Variants in NAV2 observed in about 807,000 individuals in gnomAD.
The protein encoded by NAV2 is neuron navigator 2.
A neutral mutation model predicts 223.2 loss-of-function variants in NAV2; 54 were observed. That is an observed-to-expected ratio of 0.24 (90% CI 0.19 to 0.30). NAV2 has a LOEUF of 0.30. NAV2 is among the 10% of genes least tolerant of loss of function. The pLI is 1.00. For synonymous variants in NAV2, 1,279 were observed against 1,239.3 expected, an observed-to-expected ratio of 1.03 and a Z score of -0.67; for missense variants, 2,806 against 3,147.5, an observed-to-expected ratio of 0.89 and a Z score of 2.60.
intron 1 of NAV2, among the ~76,000 whole-genome samples, chr11:19,684,071 A>G (rs1273494575): frequency 6.6e-6 from 1 of 152,220 alleles, no homozygotes; most frequent in Non-Finnish European, 1.5e-5. Context: ...TGCGAAATCC[A>G]AAAACTGGAA....
At chr11:19,441,889 C>G (rs1189708562) in intron 1 of NAV2, among the ~76,000 whole-genome samples, 1 of 152,216 alleles carries the variant, frequency 6.6e-6, no homozygotes, top group South Asian at 2.1e-4. Context: ...GAGCTCTCCT[C>G]TGGACACCGA....
At chr11:19,917,289 AC>A (rs1372840999) in intron 6 of NAV2, among the ~76,000 whole-genome samples, 1 of 152,176 alleles carries the variant, frequency 6.6e-6, no homozygotes, top group Non-Finnish European at 1.5e-5. Flanking sequence ...TCCAAGAGAT[AC>A]GCATTCACAG....
chr11:19,756,810 A>T (rs2054268014), intron 1 of NAV2, among the ~76,000 whole-genome samples: 1 of 152,180 alleles, frequency 6.6e-6, no homozygotes, highest in Non-Finnish European at 1.5e-5. Flanking sequence ...TGGTGAGCAC[A>T]GTTTGTTTTT....
At position 20,045,575 on chromosome 11, in the gene NAV2, A is replaced by G. The variant is rs1429255942; in HGVS notation, c.3807A>G (p.Lys1269=). The G allele has an allele frequency of 1.9e-6, 3 of 1,614,138 alleles. No individual in the cohort carries two copies. The highest frequency in any genetic ancestry group is 2.2e-5 in the East Asian group (1 of 44,874). The change falls in exon 14 of 38, where the codon AAA becomes AAG. Residue 1269 remains lysine, a synonymous_variant. Transcript: ENST00000349880. Reference sequence around the variant, plus strand: ...GTGTGGCTTCCTGTAACTCGGTGAAAGTGAATCCGGCAGCCCAGCCTGTGT... The same window carrying G: ...GTGTGGCTTCCTGTAACTCGGTGAAGGTGAATCCGGCAGCCCAGCCTGTGT... ...NESVASCNSV[K]VNPAAQPVSS... is the part of the protein sequence containing the mutation.
chr11:19,724,988 CT>C (rs1301176333), intron 1 of NAV2, among the ~76,000 whole-genome samples: 1 of 152,204 alleles, frequency 6.6e-6, no homozygotes, highest in Non-Finnish European at 1.5e-5. Context: ...CTCAATTTCC[CT>C]GGGTGGTTAT....
In NAV2 at chr11:19,931,609, A is replaced by AAAAAAAAAAAAAAAAAAAAAG. The variant is rs10692495; in HGVS notation, c.932-1567_932-1566insAAAAAAAAAAAAAAAAAAAAG. Among the ~76,000 whole-genome samples, 3 of 137,306 alleles carry AAAAAAAAAAAAAAAAAAAAAG rather than the reference A, an allele frequency of 2.2e-5. 1 individual carries two copies. The highest frequency in any genetic ancestry group is 7.3e-5 in the Admixed American group (1 of 13,704). 90.1% of individuals were successfully genotyped at this position (137,306 alleles called of 152,430 possible). ...ACATAGGTATTTAAAAAAAAAAAAA[A>AAAAAAAAAAAAAAAAAAAAAG]GCAGAAGAAGCAGCCGTTAATCCCG... On this transcript the variant is annotated intron_variant, in intron 6 of 37. Coordinates refer to ENST00000349880, the MANE Select transcript of NAV2 (RefSeq NM_145117.5).
At chr11:19,508,402 A>G (rs1045466372) in intron 1 of NAV2, among the ~76,000 whole-genome samples, 1 of 152,172 alleles carries the variant, frequency 6.6e-6, no homozygotes, top group Admixed American at 6.5e-5. Flanking sequence ...GCACAAAACC[A>G]GCCCCTTGGA....
intron 1 of NAV2, among the ~76,000 whole-genome samples, chr11:19,478,850 C>G (rs756273144): frequency 2.6e-5 from 4 of 152,214 alleles, no homozygotes; most frequent in Non-Finnish European, 5.9e-5. Flanking sequence ...AATACAATGT[C>G]TATTTTAGAA....
chr11:19,685,869 G>A (rs2049008675), intron 1 of NAV2, among the ~76,000 whole-genome samples: 1 of 152,150 alleles, frequency 6.6e-6, no homozygotes, highest in African/African-American at 2.4e-5. Context: ...TGCACCAAGA[G>A]GTGCTTTTGG....
intron 1 of NAV2, among the ~76,000 whole-genome samples, chr11:19,496,145 T>G (rs976759570): frequency 6.6e-6 from 1 of 152,206 alleles, no homozygotes; most frequent in African/African-American, 2.4e-5. Context: ...AGTCACAAAG[T>G]GACTATTTTT....
intron 1 of NAV2, among the ~76,000 whole-genome samples, chr11:19,424,575 G>C (rs564042398): frequency 6.6e-6 from 1 of 152,310 alleles, no homozygotes; most frequent in South Asian, 2.1e-4. Flanking sequence ...TTTCGAGACG[G>C]AGTCTTGCTG....
At chr11:20,056,768 TG>T in intron 19 of NAV2, 1 of 645,548 alleles carries the variant, frequency 1.5e-6, no homozygotes, top group Non-Finnish European at 2.8e-6. Flanking sequence ...CCAGCTCCAC[TG>T]CTTTTTAGGT....
chr11:19,489,400 G>T (rs1036964590), intron 1 of NAV2, among the ~76,000 whole-genome samples: 2 of 152,188 alleles, frequency 1.3e-5, no homozygotes, highest in South Asian at 2.1e-4. Context: ...GGAACACTGT[G>T]TACTATGATG....
intron 1 of NAV2, among the ~76,000 whole-genome samples, chr11:19,539,737 C>A (rs35070300): frequency 6.6e-6 from 1 of 152,062 alleles, no homozygotes; most frequent in East Asian, 1.9e-4. Flanking sequence ...CATTTTGAAG[C>A]CTTTTCATTG....
chr11:19,676,172 C>A (rs1185071480), intron 1 of NAV2, among the ~76,000 whole-genome samples: 1 of 152,178 alleles, frequency 6.6e-6, no homozygotes, highest in African/African-American at 2.4e-5. Flanking sequence ...CCTCGATCCC[C>A]CTCCCTGCTC....
chr11:19,481,913 T>G (rs769749931), intron 1 of NAV2, among the ~76,000 whole-genome samples: 34 of 152,206 alleles, frequency 2.2e-4, no homozygotes, highest in Admixed American at 6.5e-4. Flanking sequence ...GGCACTTTAA[T>G]AGTAAAAGGT....
intron 1 of NAV2, among the ~76,000 whole-genome samples, chr11:19,421,514 C>T (rs1850612047): frequency 6.6e-6 from 1 of 152,112 alleles, no homozygotes; most frequent in Non-Finnish European, 1.5e-5. Flanking sequence ...GGAATATAAT[C>T]AGTGCACTAA....
chr11:19,739,881 G>C (rs569224137), intron 1 of NAV2, among the ~76,000 whole-genome samples: 2 of 152,292 alleles, frequency 1.3e-5, no homozygotes, highest in Non-Finnish European at 2.9e-5. Flanking sequence ...AGAGGGCCCT[G>C]GTGTTTGCTT....
intron 1 of NAV2, among the ~76,000 whole-genome samples, chr11:19,619,297 G>A (rs1300203542): frequency 1.3e-5 from 2 of 152,038 alleles, no homozygotes; most frequent in African/African-American, 2.4e-5. Flanking sequence ...GCTGGGTCAA[G>A]TGGTATTTCT....
Sources: allele counts gnomAD v4.1 joint callset (sites outside exome capture counted in the v4.1 genomes callset), GRCh38; gene constraint gnomAD v4.1.1; transcripts MANE v1.5; gene names NCBI Gene and HGNC (gene_info 2026-07-23, HGNC 2026-07-21).